PDZRN4: variants seen among roughly 807,000 people sequenced by gnomAD.
The protein encoded by PDZRN4 is PDZ domain-containing RING finger protein 4.
In PDZRN4, 70 loss-of-function variants were observed where a neutral mutation model predicts 99.0. The observed-to-expected ratio is 0.71, with a 90% CI of 0.58 to 0.86. The LOEUF is 0.86. Among genes scored for constraint, PDZRN4 ranks in the 40% least tolerant of loss-of-function variants. PDZRN4 has a pLI of 0.00. For synonymous variants in PDZRN4, 551 were observed against 501.6 expected (o/e 1.10, Z -1.32); for missense variants, 1,474 against 1,331.2 (o/e 1.11, Z -1.67).
chr12:41,421,113 C>T (rs1952485638), intron 3 of PDZRN4, among the ~76,000 whole-genome samples: 1 of 152,158 alleles, frequency 6.6e-6, no homozygotes. Context: ...TTGCATATAC[C>T]TCTTTTCAAT....
At chr12:41,259,124 G>A (rs1468092976) in intron 3 of PDZRN4, among the ~76,000 whole-genome samples, 2 of 151,916 alleles carry the variant, frequency 1.3e-5, no homozygotes, top group Non-Finnish European at 2.9e-5. Flanking sequence ...GATAATAATG[G>A]CTATCGTTGG....
At chr12:41,467,509 G>A (rs1490007389) in intron 3 of PDZRN4, among the ~76,000 whole-genome samples, 1 of 152,160 alleles carries the variant, frequency 6.6e-6, no homozygotes, top group Non-Finnish European at 1.5e-5. Context: ...GAGGTTTTGA[G>A]TGTGTCAAGT....
chr12:41,526,708 G>C (rs1938573383), intron 5 of PDZRN4, among the ~76,000 whole-genome samples: 1 of 152,150 alleles, frequency 6.6e-6, no homozygotes, highest in Non-Finnish European at 1.5e-5. Flanking sequence ...ATGCACATAA[G>C]TAGTCAAAGA....
At position 41,519,805 on chromosome 12, in the gene PDZRN4, T is replaced by C. The variant is rs115437295; in HGVS notation, c.1203+9892T>C. Among the ~76,000 whole-genome samples, 450 of 152,218 alleles carry C rather than the reference T, an allele frequency of 3.0e-3. 1 individual carries two copies. The highest frequency in any genetic ancestry group is 0.01 in the African/African-American group (427 of 41,558). ...GTTTCCCCACACCCACTTTCACAAA[T>C]TGATACTCCAGGAAGATGCAAAGTG... On this transcript the variant is annotated intron_variant, in intron 5 of 9. Transcript: ENST00000402685.
At chr12:41,492,924 A>G (rs1433508751) in intron 3 of PDZRN4, among the ~76,000 whole-genome samples, 1 of 152,208 alleles carries the variant, frequency 6.6e-6, no homozygotes, top group Non-Finnish European at 1.5e-5. Context: ...TCTTCTGTGC[A>G]TATGACATTC....
At chr12:41,480,374 A>G (rs1937653606) in intron 3 of PDZRN4, among the ~76,000 whole-genome samples, 2 of 152,308 alleles carry the variant, frequency 1.3e-5, no homozygotes, top group East Asian at 1.9e-4. Context: ...TCTTTGTTCT[A>G]TATCTATTTA....
intron 3 of PDZRN4, among the ~76,000 whole-genome samples, chr12:41,221,164 A>G (rs1417288598): frequency 6.6e-6 from 1 of 152,200 alleles, no homozygotes; most frequent in Non-Finnish European, 1.5e-5. Context: ...GGGGCTACCC[A>G]GGAGAGCTCT....
chr12:41,213,396 G>A (rs1165828082), intron 3 of PDZRN4, among the ~76,000 whole-genome samples: 1 of 151,998 alleles, frequency 6.6e-6, no homozygotes, highest in Non-Finnish European at 1.5e-5. Flanking sequence ...CTGGGAAGTC[G>A]TAAGCAACAG....
intron 3 of PDZRN4, among the ~76,000 whole-genome samples, chr12:41,363,428 T>C (rs542448519): frequency 3.9e-5 from 6 of 152,244 alleles, no homozygotes; most frequent in African/African-American, 1.4e-4. Context: ...GGAATTGTGA[T>C]TGTAAAATCA....
intron 3 of PDZRN4, among the ~76,000 whole-genome samples, chr12:41,289,876 C>A (rs982641849): frequency 4.6e-5 from 7 of 152,180 alleles, no homozygotes; most frequent in Admixed American, 4.6e-4. Context: ...CATTAACTTA[C>A]CTCTTCCATT....
intron 3 of PDZRN4, among the ~76,000 whole-genome samples, chr12:41,333,766 T>C (rs1299960380): frequency 1.3e-5 from 2 of 152,022 alleles, no homozygotes; most frequent in Non-Finnish European, 2.9e-5. Flanking sequence ...TATCAAAGAG[T>C]GCATTTTTGT....
intron 3 of PDZRN4, among the ~76,000 whole-genome samples, chr12:41,466,513 G>A (rs760143254): frequency 1.6e-4 from 25 of 152,096 alleles, no homozygotes; most frequent in African/African-American, 4.6e-4. Flanking sequence ...TGCCTCTGTC[G>A]GAGACGTTAG....
rs148927001 is a variant in PDZRN4 at position 41,539,597 on chromosome 12, C to A, written c.1204-13059C>A. 4.7e-3 allele frequency among the ~76,000 whole-genome samples: 722 copies of A among 152,268 alleles called. 3 individuals carry two copies. The highest frequency in any genetic ancestry group is 7.8e-3 in the Non-Finnish European group (528 of 67,990). On this transcript the variant is annotated intron_variant, in intron 5 of 9. Coordinates refer to ENST00000402685, the MANE Select transcript of PDZRN4 (RefSeq NM_001164595.2). ...TTAGAAACATTGCAGGAATAGCCCA[C>A]TGCCTCATTAGAAAAGCCTCTATTT...
chr12:41,418,702 G>A (rs1037106151), intron 3 of PDZRN4, among the ~76,000 whole-genome samples: 1 of 152,138 alleles, frequency 6.6e-6, no homozygotes, highest in African/African-American at 2.4e-5. Flanking sequence ...CAATTTTCCT[G>A]CAGTCCTCCT....
intron 3 of PDZRN4, chr12:41,437,907 G>A: frequency 6.2e-7 from 1 of 1,613,820 alleles, no homozygotes; most frequent in Non-Finnish European, 8.5e-7. Context: ...CAGTTCTGGG[G>A]AAATTAGAAG....
chr12:41,534,972 G>A (rs757482035), intron 5 of PDZRN4, among the ~76,000 whole-genome samples: 10 of 150,608 alleles, frequency 6.6e-5, no homozygotes, highest in Non-Finnish European at 1.2e-4. Context: ...CTACCTTCTA[G>A]TTCACTAATT....
chr12:41,415,711 G>A (rs1384926851), intron 3 of PDZRN4, among the ~76,000 whole-genome samples: 2 of 152,126 alleles, frequency 1.3e-5, no homozygotes, highest in African/African-American at 4.8e-5. Context: ...GAGAAATTGT[G>A]TCCAGAAGGC....
Position 41,573,315 on chromosome 12 carries a change from C to A in PDZRN4, c.2536C>A (p.His846Asn), listed in dbSNP as rs1392993194. The A allele has an allele frequency of 6.2e-7, 1 of 1,613,362 alleles. No individual in the cohort carries two copies. The highest frequency in any genetic ancestry group is 8.5e-7 in the Non-Finnish European group (1 of 1,180,016). The change falls in exon 10 of 10, where the codon CAC becomes AAC. Residue 846 changes from histidine (H) to asparagine (N), a missense_variant. Coordinates refer to ENST00000402685, the MANE Select transcript of PDZRN4 (RefSeq NM_001164595.2). ...SSYRYANIPA[H>N]ARHYQSYMQL... ...ATATAGATATGCAAACATCCCAGCA[C>A]ACGCCCGGCATTATCAAAGCTACAT...
chr12:41,465,149 AGACAGT>A (rs563901225), intron 3 of PDZRN4, among the ~76,000 whole-genome samples: 1 of 152,070 alleles, frequency 6.6e-6, no homozygotes, highest in Non-Finnish European at 1.5e-5. Flanking sequence ...TTATCCCCTA[AGACAGT>A]GAATATGAAT....
Sources: gnomAD v4.1 joint callset for allele counts (sites outside exome capture counted in the v4.1 genomes callset) on GRCh38, gnomAD v4.1.1 for gene constraint, MANE v1.5 for transcripts, NCBI Gene and HGNC (gene_info 2026-07-23, HGNC 2026-07-21) for gene names.